Variants in AGBL4 observed in about 807,000 individuals in gnomAD.
The protein encoded by AGBL4 is AGBL carboxypeptidase 4.
AGBL4 carries 58 observed loss-of-function variants against 66.4 expected under a neutral mutation model. The ratio of observed to expected loss-of-function variants is 0.87; its 90% CI spans 0.71 to 1.09. The LOEUF is 1.09. Ranked by LOEUF, AGBL4 falls within the 50% of genes least tolerant of loss-of-function variation. The pLI, the probability that AGBL4 is intolerant of heterozygous loss-of-function variation, is 0.00. For synonymous variants in AGBL4, 234 were observed against 222.9 expected (o/e 1.05, Z -0.44); for missense variants, 579 against 631.0 (o/e 0.92, Z 0.88).
At chr1:49,942,530 A>T (rs150485757) in intron 1 of AGBL4, among the ~76,000 whole-genome samples, 3 of 152,264 alleles carry the variant, frequency 2.0e-5, no homozygotes, top group South Asian at 2.1e-4. Flanking sequence ...ATAAATCCAC[A>T]TATTTACTAT....
chr1:49,625,737 T>C (rs976743939), intron 3 of AGBL4, among the ~76,000 whole-genome samples: 12 of 152,152 alleles, frequency 7.9e-5, no homozygotes, highest in Non-Finnish European at 1.5e-4. Context: ...TATGTCTTCT[T>C]TTCTGTTGCC....
intron 6 of AGBL4, among the ~76,000 whole-genome samples, chr1:48,670,508 G>C (rs192174775): frequency 5.9e-5 from 9 of 152,360 alleles, no homozygotes; most frequent in African/African-American, 1.9e-4. Context: ...ACAGATCTGA[G>C]ATACAGGCGG....
intron 1 of AGBL4, among the ~76,000 whole-genome samples, chr1:50,011,729 A>T (rs1484523151): frequency 1.3e-5 from 2 of 152,250 alleles, no homozygotes; most frequent in Non-Finnish European, 2.9e-5. Flanking sequence ...GTCATTTGCA[A>T]CAATGTGGAT....
Position 49,851,391 on chromosome 1 carries a change from C to T in AGBL4, c.157+5G>A, listed in dbSNP as rs1480561382. On this transcript the variant is annotated splice_donor_5th_base_variant and intron_variant, in intron 2 of 13. Coordinates refer to ENST00000371839, the MANE Select transcript of AGBL4 (RefSeq NM_032785.4). ...CTTAAAAGGAAAAGCCTTTAATATA[C>T]TTACCACTTTCAAAGCAAGCATCAA... is the stretch of plus-strand genomic sequence containing the variant. 4 of 1,546,354 alleles carry T rather than the reference C, an allele frequency of 2.6e-6. No individual in the cohort carries two copies. The highest frequency in any genetic ancestry group is 1.2e-5 in the South Asian group (1 of 82,812).
intron 3 of AGBL4, among the ~76,000 whole-genome samples, chr1:49,274,057 T>C (rs933334340): frequency 2.0e-5 from 3 of 152,218 alleles, no homozygotes; most frequent in Non-Finnish European, 4.4e-5. Flanking sequence ...ATGCTGTCTT[T>C]ACTAGGTCTT....
chr1:49,223,632 T>C (rs1332812270), intron 4 of AGBL4, among the ~76,000 whole-genome samples: 1 of 152,172 alleles, frequency 6.6e-6, no homozygotes, highest in Non-Finnish European at 1.5e-5. Context: ...GACTGTTAAG[T>C]TGGGTATGCG....
chr1:49,379,269 A>G (rs540743405), intron 3 of AGBL4, among the ~76,000 whole-genome samples: 1 of 152,144 alleles, frequency 6.6e-6, no homozygotes, highest in Admixed American at 6.6e-5. Context: ...AAACTACCAC[A>G]CATTGCCTAG....
At chr1:49,501,821 G>C (rs1648186313) in intron 3 of AGBL4, among the ~76,000 whole-genome samples, 1 of 151,758 alleles carries the variant, frequency 6.6e-6, no homozygotes, top group Non-Finnish European at 1.5e-5. Context: ...ATTTTTATTT[G>C]TCTCAAGATA....
At chr1:49,345,148 A>G (rs1380212125) in intron 3 of AGBL4, among the ~76,000 whole-genome samples, 1 of 152,208 alleles carries the variant, frequency 6.6e-6, no homozygotes, top group Non-Finnish European at 1.5e-5. Context: ...TCAAATATAA[A>G]ACACTGTTTG....
Position 49,845,114 on chromosome 1 carries a change from C to G in AGBL4, c.157+6282G>C. On this transcript the variant is annotated intron_variant, in intron 2 of 13. Coordinates refer to ENST00000371839, the MANE Select transcript of AGBL4 (RefSeq NM_032785.4). ...TGCAGAAAGGCCTTTAGTCACAGCT[C>G]AGCACTTACCCAACACCACCGTACG... The G allele has an allele frequency of 4.8e-6, 7 of 1,444,812 alleles. No individual in the cohort carries two copies. In the South Asian group the frequency reaches 6.9e-5, roughly 14 times the overall value. The allele number at this position is 1,444,812 out of a possible 1,614,324, so 89.5% of individuals were successfully genotyped here.
At chr1:49,526,619 A>T (rs1322189636) in intron 3 of AGBL4, among the ~76,000 whole-genome samples, 1 of 152,104 alleles carries the variant, frequency 6.6e-6, no homozygotes, top group Non-Finnish European at 1.5e-5. Context: ...CTATGAAGCA[A>T]CAAATTTAAA....
intron 4 of AGBL4, among the ~76,000 whole-genome samples, chr1:49,197,553 C>T (rs538817729): frequency 1.7e-4 from 26 of 152,290 alleles, no homozygotes; most frequent in African/African-American, 5.8e-4. Context: ...AGGTGCCGGC[C>T]TGGGCGGGAA....
chr1:48,525,515 G>A, the AGBL4 span, among the ~76,000 whole-genome samples: 4 of 152,210 alleles, frequency 2.6e-5, no homozygotes, highest in East Asian at 7.7e-4. Flanking sequence ...ATTGGAAAAT[G>A]TTTTTCAAAA....
intron 5 of AGBL4, among the ~76,000 whole-genome samples, chr1:48,993,773 G>T (rs1660789483): frequency 6.6e-6 from 1 of 152,056 alleles, no homozygotes; most frequent in African/African-American, 2.4e-5. Context: ...TTTCCACTAT[G>T]ACACAGCAGC....
chr1:49,735,788 T>G (rs1649835766), intron 2 of AGBL4, among the ~76,000 whole-genome samples: 1 of 152,058 alleles, frequency 6.6e-6, no homozygotes, highest in Non-Finnish European at 1.5e-5. Context: ...CACCAAAGCT[T>G]AAGACATCTC....
At chr1:49,766,609 C>T (rs1018849447) in intron 2 of AGBL4, among the ~76,000 whole-genome samples, 1 of 151,594 alleles carries the variant, frequency 6.6e-6, no homozygotes, top group Non-Finnish European at 1.5e-5. Context: ...GGTCTGAATG[C>T]CCCCACTTAA....
intron 1 of AGBL4, among the ~76,000 whole-genome samples, chr1:49,902,289 CAA>C (rs1649834572): frequency 6.6e-6 from 1 of 152,104 alleles, no homozygotes; most frequent in Non-Finnish European, 1.5e-5. Flanking sequence ...ATGCATCTGA[CAA>C]AAGTCTGATA....
At chr1:48,603,715 G>A (rs1231264264) in intron 9 of AGBL4, among the ~76,000 whole-genome samples, 2 of 152,064 alleles carry the variant, frequency 1.3e-5, no homozygotes, top group Non-Finnish European at 2.9e-5. Context: ...GAGAATTAGT[G>A]GTCATAAGAC....
intron 6 of AGBL4, among the ~76,000 whole-genome samples, chr1:48,854,349 T>G (rs1312000519): frequency 2.6e-5 from 4 of 152,184 alleles, no homozygotes; most frequent in Non-Finnish European, 4.4e-5. Flanking sequence ...CCAAGATCCT[T>G]GGTCACTGGT....
Sources: gnomAD v4.1 joint callset for allele counts (sites outside exome capture counted in the v4.1 genomes callset) on GRCh38, gnomAD v4.1.1 for gene constraint, MANE v1.5 for transcripts, NCBI Gene and HGNC (gene_info 2026-07-23, HGNC 2026-07-21) for gene names.